MYOCD: variants seen among roughly 807,000 people sequenced by gnomAD.
The protein encoded by MYOCD is myocardin.
MYOCD carries 32 observed loss-of-function variants against 96.1 expected under a neutral mutation model. That is an observed-to-expected ratio of 0.33 (90% CI 0.25 to 0.45). The LOEUF is 0.45. Among genes scored for constraint, MYOCD ranks in the 20% least tolerant of loss-of-function variants. The probability of loss-of-function intolerance (pLI) is 1.00; values close to 1 mark genes in which losing one functional copy is unlikely to be tolerated. For synonymous variants in MYOCD, 469 were observed against 469.0 expected, an observed-to-expected ratio of 1.00 and a Z score of 0.00; for missense variants, 1,133 against 1,200.6, an observed-to-expected ratio of 0.94 and a Z score of 0.83.
intron 3 of MYOCD, among the ~76,000 whole-genome samples, chr17:12,716,268 A>G (rs2031637133): frequency 6.6e-6 from 1 of 152,222 alleles, no homozygotes; most frequent in Non-Finnish European, 1.5e-5. Context: ...GCAACTCTTC[A>G]AAGTAGCTCA....
chr17:12,763,406 C>G lies in MYOCD; in HGVS notation c.2723C>G (p.Pro908Arg). ...AATGCACATGAGATCTTGCCAGGCC[C>G]CCTCTCTCCAATGCAGACACAGTTT... ...LFNAHEILPG[P>R]LSPMQTQFSP... Residue 908 changes from proline to arginine, a missense_variant, in exon 14 of 14, where the codon CCC (proline) becomes CGC (arginine). By Grantham distance (103) the Pro-to-Arg change is moderately radical. Transcript: ENST00000425538. 1 of 1,607,000 alleles carries G rather than the reference C, an allele frequency of 6.2e-7. No individual in the cohort carries two copies. The highest frequency in any genetic ancestry group is 1.1e-5 in the South Asian group (1 of 90,146).
intron 1 of MYOCD, among the ~76,000 whole-genome samples, chr17:12,675,862 C>CAATA (rs1909999449): frequency 6.6e-6 from 1 of 151,744 alleles, no homozygotes; most frequent in Admixed American, 6.6e-5. Context: ...CCGTCTCAAT[C>CAATA]AATCAATCAA....
intron 3 of MYOCD, among the ~76,000 whole-genome samples, chr17:12,716,657 C>G (rs2031650144): frequency 6.6e-6 from 1 of 152,052 alleles, no homozygotes; most frequent in Non-Finnish European, 1.5e-5. Context: ...TGTTTTAACT[C>G]TGGTCTTGGT....
chr17:12,760,138 A>G (rs2322595), intron 12 of MYOCD: 54,164 of 159,074 alleles, frequency 0.34, 10,550 homozygotes, highest in Middle Eastern at 0.46. Context: ...AACATGTGTT[A>G]TATCTATACA....
At chr17:12,712,529 A>G (rs1008068729) in intron 2 of MYOCD, among the ~76,000 whole-genome samples, 1 of 152,192 alleles carries the variant, frequency 6.6e-6, no homozygotes, top group African/African-American at 2.4e-5. Flanking sequence ...ACGAGGTTAC[A>G]GTGGAGAGCA....
chr17:12,715,569 G>T lies in MYOCD; in HGVS notation c.172G>T (p.Asp58Tyr). The T allele has an allele frequency of 6.2e-7, 1 of 1,613,364 alleles. No homozygotes were observed. Among genetic ancestry groups the T allele is most frequent in the Non-Finnish European group, 8.5e-7 (1 of 1,179,648 alleles). Residue 58 changes from aspartate (D) to tyrosine (Y), a missense_variant, in exon 3 of 14, where the codon GAC becomes TAC. Transcript: ENST00000425538. ...TGAGCAAAGAAAACATTTGGATAGT[G>T]ACAAGGTAATTTTTGCAAATTTCTT... Reference protein sequence around the residue: ...FHEQRKHLDSDKAKNSLKRKA... With the variant: ...FHEQRKHLDSYKAKNSLKRKA...
chr17:12,687,397 A>C (rs1453808233), intron 1 of MYOCD, among the ~76,000 whole-genome samples: 1 of 152,158 alleles, frequency 6.6e-6, no homozygotes. Context: ...CTTCCCACAT[A>C]GGCAAGGCAG....
chr17:12,741,852 G>T (rs1166811073), intron 7 of MYOCD, among the ~76,000 whole-genome samples: 6 of 152,058 alleles, frequency 3.9e-5, no homozygotes, highest in African/African-American at 1.4e-4. Context: ...CAGGCTGGTT[G>T]TTTGTAGAAG....
At chr17:12,682,336 C>G (rs1448390645) in intron 1 of MYOCD, among the ~76,000 whole-genome samples, 1 of 152,194 alleles carries the variant, frequency 6.6e-6, no homozygotes, top group African/African-American at 2.4e-5. Flanking sequence ...GTATCAGCTT[C>G]CAGCTCTGGA....
chr17:12,720,759 C>T (rs920298714), intron 4 of MYOCD, among the ~76,000 whole-genome samples: 3 of 152,246 alleles, frequency 2.0e-5, no homozygotes, highest in Middle Eastern at 3.4e-3. Context: ...CGGTGGCTCA[C>T]GCCTTGTAAT....
At chr17:12,688,496 CCT>C (rs143609283) in intron 1 of MYOCD, among the ~76,000 whole-genome samples, 2,050 of 148,254 alleles carry the variant, frequency 0.014, 52 homozygotes, top group African/African-American at 0.047. Flanking sequence ...CCTTCCATCT[CCT>C]TTTTTCCTTC....
chr17:12,676,735 C>A (rs562429335), intron 1 of MYOCD, among the ~76,000 whole-genome samples: 1 of 152,228 alleles, frequency 6.6e-6, no homozygotes, highest in African/African-American at 2.4e-5. Context: ...AGACTGAAAA[C>A]CCACAACTCT....
At chr17:12,749,634 C>CGT (rs150077793) in intron 9 of MYOCD, among the ~76,000 whole-genome samples, 1 of 142,952 alleles carries the variant, frequency 7.0e-6, no homozygotes, top group African/African-American at 2.6e-5. Context: ...CCTATATATA[C>CGT]GTGTGTATAT....
rs146084368 is a variant in MYOCD, at chr17:12,674,176, G to T, written c.55+7933G>T. ...AGATGTTAGACAACTTGGAGGCCAGGTATGAACGTATTTGTTCCACTGTCC... is the reference window on the plus strand; with the variant it reads ...AGATGTTAGACAACTTGGAGGCCAGTTATGAACGTATTTGTTCCACTGTCC... On this transcript the variant is annotated intron_variant, in intron 1 of 13. Coordinates refer to ENST00000425538, the MANE Select transcript of MYOCD (RefSeq NM_001146312.3). Among the ~76,000 whole-genome samples, 422 of 152,242 alleles carry T rather than the reference G, an allele frequency of 2.8e-3. 2 individuals carry two copies. The highest frequency in any genetic ancestry group is 9.6e-3 in the African/African-American group (398 of 41,526).
At chr17:12,753,402 A>G (rs772667278) in intron 10 of MYOCD, 56 bp downstream of exon 10, 27 of 1,445,106 alleles carry the variant, frequency 1.9e-5, no homozygotes, top group Non-Finnish European at 2.5e-5. Context: ...GTGGGTTACA[A>G]ATTTTCAACT....
intron 5 of MYOCD, among the ~76,000 whole-genome samples, chr17:12,727,111 G>T (rs1309729889): frequency 6.6e-6 from 1 of 152,036 alleles, no homozygotes; most frequent in Non-Finnish European, 1.5e-5. Flanking sequence ...AAAGAGAAGA[G>T]GTCTAAAATG....
At chr17:12,675,156 G>A (rs1188136043) in intron 1 of MYOCD, among the ~76,000 whole-genome samples, 1 of 152,140 alleles carries the variant, frequency 6.6e-6, no homozygotes, top group Admixed American at 6.5e-5. Context: ...ACTCACTAGC[G>A]TTCAAGAAAA....
chr17:12,699,625 T>A (rs1158795297), intron 1 of MYOCD, among the ~76,000 whole-genome samples: 1 of 152,186 alleles, frequency 6.6e-6, no homozygotes, highest in Non-Finnish European at 1.5e-5. Context: ...ATTATGCTCA[T>A]CGTTTTTTCA....
intron 5 of MYOCD, among the ~76,000 whole-genome samples, chr17:12,729,107 A>T (rs1377413650): frequency 1.3e-5 from 2 of 152,184 alleles, no homozygotes; most frequent in African/African-American, 4.8e-5. Context: ...GCCCTGAGTG[A>T]GATGGTAGGG....
Sources: gnomAD v4.1 joint callset for allele counts (sites outside exome capture counted in the v4.1 genomes callset) on GRCh38, gnomAD v4.1.1 for gene constraint, MANE v1.5 for transcripts, NCBI Gene and HGNC (gene_info 2026-07-23, HGNC 2026-07-21) for gene names.